The following KLF15 variants were observed in gnomAD, a reference collection of about 807,000 sequenced individuals.
KLF15 encodes the protein KLF transcription factor 15, also known as Krueppel-like factor 15.
Under a neutral mutation model 24.6 loss-of-function variants are expected in KLF15, and 4 were observed. That is an observed-to-expected ratio of 0.16 (90% confidence interval 0.08 to 0.37). The LOEUF (loss-of-function observed/expected upper bound fraction) is 0.37. KLF15 is among the 10% of genes least tolerant of loss of function. The pLI is 1.00. For missense variants in KLF15, 496 were observed against 560.6 expected (o/e 0.88, Z 1.16); for synonymous variants, 246 against 236.3 (o/e 1.04, Z -0.37).
chr3:126,312,778 C>G, the KLF15 span, among the ~76,000 whole-genome samples: 5 of 152,192 alleles, frequency 3.3e-5, no homozygotes, highest in Non-Finnish European at 5.9e-5. Context: ...TGCAAGTCCT[C>G]GATCAAGGTG....
In KLF15 at chr3:126,354,532, A is replaced by G. The variant is rs117129019; in HGVS notation, c.-25-1585T>C. Among the ~76,000 whole-genome samples, 194 of 152,296 alleles carry G rather than the reference A, an allele frequency of 1.3e-3. 3 individuals are homozygous for G. In the East Asian group the frequency reaches 0.034, roughly 27 times the overall value. On this transcript the variant is annotated intron_variant, in intron 1 of 2. Coordinates refer to ENST00000296233, the MANE Select transcript of KLF15 (RefSeq NM_014079.4). Reference sequence around the variant, plus strand: ...CCTGCTCAGGGACCCCAGGACCTTTAGCCCCAGTTCCCAACTTACCCAGGA... The same window carrying G: ...CCTGCTCAGGGACCCCAGGACCTTTGGCCCCAGTTCCCAACTTACCCAGGA...
At chr3:126,304,162 C>T in the KLF15 span, among the ~76,000 whole-genome samples, 1 of 151,950 alleles carries the variant, frequency 6.6e-6, no homozygotes, top group African/African-American at 2.4e-5. Flanking sequence ...TATGTTTGTG[C>T]TGGCTTTGTA....
the KLF15 span, among the ~76,000 whole-genome samples, chr3:126,320,675 T>G: frequency 6.6e-6 from 1 of 152,160 alleles, no homozygotes; most frequent in East Asian, 1.9e-4. Context: ...TGTCCCCTGG[T>G]GTCCCCAGAC....
At chr3:126,324,806 C>CTTTTTTTTTTTTTT in the KLF15 span, among the ~76,000 whole-genome samples, 3 of 59,580 alleles carry the variant, frequency 5.0e-5, no homozygotes, top group African/African-American at 7.2e-5. Context: ...TTTTTTCGCT[C>CTTTTTTTTTTTTTT]TTTTTTTTTT....
At chr3:126,353,009 G>A (rs1312356364) in intron 1 of KLF15, 62 bp from the exon 2 acceptor site, 8 of 1,496,644 alleles carry the variant, frequency 5.3e-6, no homozygotes, top group East Asian at 2.3e-5. Context: ...CACCTCGCAG[G>A]CCTCTGACCC....
chr3:126,317,025 G>A, the KLF15 span, among the ~76,000 whole-genome samples: 1 of 152,148 alleles, frequency 6.6e-6, no homozygotes, highest in Admixed American at 6.5e-5. Flanking sequence ...GAAGTCCTGG[G>A]AGCCCCACTG....
chr3:126,327,409 TC>T, the KLF15 span, among the ~76,000 whole-genome samples: 2 of 152,146 alleles, frequency 1.3e-5, no homozygotes, highest in Non-Finnish European at 2.9e-5. Flanking sequence ...CTGGCTGCTG[TC>T]CCTCAGGGAG....
the KLF15 span, among the ~76,000 whole-genome samples, chr3:126,326,556 C>T: frequency 2.0e-5 from 3 of 152,200 alleles, no homozygotes. Flanking sequence ...GGGTTTACAG[C>T]ACTGTTTATA....
At chr3:126,292,086 C>A in the KLF15 span, among the ~76,000 whole-genome samples, 1 of 152,216 alleles carries the variant, frequency 6.6e-6, no homozygotes, top group Non-Finnish European at 1.5e-5. Flanking sequence ...CAAGCCCCCT[C>A]CTTTGCACCC....
At chr3:126,309,682 G>C in the KLF15 span, among the ~76,000 whole-genome samples, 2 of 152,362 alleles carry the variant, frequency 1.3e-5, no homozygotes, top group Non-Finnish European at 1.5e-5. Flanking sequence ...AATAAAAGGA[G>C]ATGGGTTCCT....
chr3:126,340,456 C>T (rs2082471654), downstream of KLF15, among the ~76,000 whole-genome samples: 1 of 152,258 alleles, frequency 6.6e-6, no homozygotes, highest in African/African-American at 2.4e-5. Context: ...ACTCAGTCTG[C>T]TGTGCCAGCC....
the KLF15 span, among the ~76,000 whole-genome samples, chr3:126,305,171 C>T: frequency 9.5e-3 from 1,449 of 152,260 alleles, 22 homozygotes; most frequent in African/African-American, 0.033. Flanking sequence ...GAATCTGGTC[C>T]CTGAAATTTG....
At chr3:126,316,453 AGTCT>A in the KLF15 span, among the ~76,000 whole-genome samples, 3 of 137,008 alleles carry the variant, frequency 2.2e-5, no homozygotes, top group African/African-American at 5.6e-5. Context: ...TGGGGAAGGG[AGTCT>A]ATGGGCCGGA....
chr3:126,353,001 C>A, intron 1 of KLF15, 54 bp from the exon 2 acceptor site: 1 of 1,512,612 alleles, frequency 6.6e-7, no homozygotes. Flanking sequence ...TCACCTGCCA[C>A]CTCGCAGGCC....
downstream of KLF15, among the ~76,000 whole-genome samples, chr3:126,339,373 G>T (rs1236605450): frequency 6.6e-6 from 1 of 152,044 alleles, no homozygotes; most frequent in African/African-American, 2.4e-5. Context: ...CCTGGTCCTG[G>T]TGCCCTCCCA....
chr3:126,307,422 G>T, the KLF15 span, among the ~76,000 whole-genome samples: 196 of 152,352 alleles, frequency 1.3e-3, 1 homozygote, highest in African/African-American at 4.4e-3. Context: ...AGAGGACAAA[G>T]ACTGTGCAAC....
At chr3:126,317,587 A>G in the KLF15 span, among the ~76,000 whole-genome samples, 1 of 152,106 alleles carries the variant, frequency 6.6e-6, no homozygotes, top group African/African-American at 2.4e-5. Flanking sequence ...AATTTCAGTA[A>G]ACACACTGCG....
the KLF15 span, among the ~76,000 whole-genome samples, chr3:126,315,217 C>T: frequency 1.3e-5 from 2 of 152,174 alleles, no homozygotes; most frequent in African/African-American, 4.8e-5. Flanking sequence ...AGAGACCCAC[C>T]CTACTCCAGT....
rs1240897013 is a variant in KLF15, at chr3:126,356,071, G to A, written c.-26+1166C>T. 3.9e-5 allele frequency among the ~76,000 whole-genome samples: 6 copies of A among 152,184 alleles called. No individual in the cohort carries two copies. The highest frequency in any genetic ancestry group is 8.8e-5 in the Non-Finnish European group (6 of 68,024). On this transcript the variant is annotated intron_variant, in intron 1 of 2. Transcript: ENST00000296233. This position sits in a 1 kb window ranked among gnomAD's most constrained non-coding sequence, Gnocchi z 4.4. Reference sequence around the variant, plus strand: ...CAGGCCTGCTGTTTATCCTCCCGGGGACACAGCGGCTGCAGGAACAACATG... The same window carrying A: ...CAGGCCTGCTGTTTATCCTCCCGGGAACACAGCGGCTGCAGGAACAACATG...
Sources: allele counts gnomAD v4.1 joint callset (sites outside exome capture counted in the v4.1 genomes callset), GRCh38; gene constraint gnomAD v4.1.1; non-coding constraint Gnocchi (gnomAD v3.1); transcripts MANE v1.5; gene names NCBI Gene and HGNC (gene_info 2026-07-23, HGNC 2026-07-21).